The following LDLRAD3 variants were observed in gnomAD, a reference collection of about 807,000 sequenced individuals.
LDLRAD3 encodes low-density lipoprotein receptor class A domain-containing protein 3.
A neutral mutation model predicts 29.4 loss-of-function variants in LDLRAD3; 20 were observed. The observed-to-expected ratio is 0.68, with a 90% CI of 0.48 to 0.99. The LOEUF (loss-of-function observed/expected upper bound fraction) is 0.99. Among genes scored for constraint, LDLRAD3 ranks in the 50% least tolerant of loss-of-function variants. The pLI is 0.00. For missense variants in LDLRAD3, 420 were observed against 454.3 expected (o/e 0.92, Z 0.69); for synonymous variants, 157 against 192.7 (o/e 0.81, Z 1.53).
At chr11:35,988,633 G>C (rs554090857) in intron 1 of LDLRAD3, among the ~76,000 whole-genome samples, 3 of 151,104 alleles carry the variant, frequency 2.0e-5, no homozygotes, top group Non-Finnish European at 4.4e-5. Flanking sequence ...ACCCAGGCTG[G>C]AGTGCAGTGG....
intron 4 of LDLRAD3, among the ~76,000 whole-genome samples, chr11:36,201,457 TG>T (rs1855125659): frequency 6.6e-6 from 1 of 152,220 alleles, no homozygotes; most frequent in Non-Finnish European, 1.5e-5. Flanking sequence ...TGTGGGTTTT[TG>T]TGGGGTTTTT....
chr11:35,959,034 C>G lies in LDLRAD3; in HGVS notation c.46+14890C>G, dbSNP rs115598388. On this transcript the variant is annotated intron_variant, in intron 1 of 5. Coordinates refer to ENST00000315571, the MANE Select transcript of LDLRAD3 (RefSeq NM_174902.4). ...GCCTTGCCACACGGGTGAACTGATA[C>G]AAATCAAGATGGTGTCGGTACCATA... 1.0e-3 allele frequency among the ~76,000 whole-genome samples: 157 copies of G among 152,282 alleles called. 1 individual carries two copies. Among genetic ancestry groups the G allele is most frequent in the African/African-American group, 3.5e-3 (147 of 41,558 alleles).
intron 1 of LDLRAD3, among the ~76,000 whole-genome samples, chr11:36,029,295 GTGTA>G (rs1590214799): frequency 1.3e-5 from 2 of 152,244 alleles, no homozygotes; most frequent in East Asian, 3.9e-4. Flanking sequence ...CTTCTGCCAT[GTGTA>G]TGTGTTTCCG....
At chr11:36,073,034 C>T (rs892203106) in intron 2 of LDLRAD3, among the ~76,000 whole-genome samples, 5 of 152,144 alleles carry the variant, frequency 3.3e-5, no homozygotes, top group East Asian at 1.9e-4. Flanking sequence ...TCCTGTATTT[C>T]GGATGCTAAG....
rs571024448 is a variant in LDLRAD3 at position 35,961,750 on chromosome 11, A to T, written c.46+17606A>T. The stretch of plus-strand genomic sequence containing the variant: ...ACAATGAGAATATTAAAATTTTTTT[A>T]AAATTTAAAATTTTTGTGTGTACAG... On this transcript the variant is annotated intron_variant, in intron 1 of 5. Coordinates refer to ENST00000315571, the MANE Select transcript of LDLRAD3 (RefSeq NM_174902.4). Among the ~76,000 whole-genome samples, 5 of 152,324 alleles carry T rather than the reference A, an allele frequency of 3.3e-5. No individual in the cohort carries two copies. The East Asian group carries it at 7.7e-4, about 23-fold the overall frequency.
intron 4 of LDLRAD3, among the ~76,000 whole-genome samples, chr11:36,219,920 A>G (rs889665518): frequency 1.3e-5 from 2 of 152,272 alleles, no homozygotes; most frequent in African/African-American, 4.8e-5. Flanking sequence ...TTTGCAAAAC[A>G]CATTTGTGAT....
At chr11:36,131,162 C>T (rs1005884445) in intron 4 of LDLRAD3, among the ~76,000 whole-genome samples, 7 of 152,252 alleles carry the variant, frequency 4.6e-5, no homozygotes, top group Admixed American at 3.3e-4. Flanking sequence ...AGGCTCATGC[C>T]TTGAGAGGCT....
chr11:36,066,629 G>A (rs1852798612), intron 2 of LDLRAD3, among the ~76,000 whole-genome samples: 1 of 152,090 alleles, frequency 6.6e-6, no homozygotes, highest in African/African-American at 2.4e-5. Context: ...AAACTTGCTT[G>A]GTGGAAATTT....
chr11:35,948,258 A>G (rs1590673865), intron 1 of LDLRAD3, among the ~76,000 whole-genome samples: 1 of 152,282 alleles, frequency 6.6e-6, no homozygotes, highest in African/African-American at 2.4e-5. Flanking sequence ...GTTTTTAGCT[A>G]TGGGATTGCC....
At chr11:35,969,327 A>G (rs1479924597) in intron 1 of LDLRAD3, among the ~76,000 whole-genome samples, 1 of 152,198 alleles carries the variant, frequency 6.6e-6, no homozygotes, top group Non-Finnish European at 1.5e-5. Flanking sequence ...TTTTAATGGA[A>G]GCTCTGACTG....
intron 1 of LDLRAD3, among the ~76,000 whole-genome samples, chr11:35,989,832 A>G (rs1851665255): frequency 6.6e-6 from 1 of 152,140 alleles, no homozygotes; most frequent in Admixed American, 6.5e-5. Flanking sequence ...CTAGGTATAG[A>G]ATCATATTGT....
intron 1 of LDLRAD3, among the ~76,000 whole-genome samples, chr11:36,027,590 G>C (rs1257730830): frequency 6.6e-6 from 1 of 152,162 alleles, no homozygotes; most frequent in African/African-American, 2.4e-5. Flanking sequence ...GGGCCTATAT[G>C]AAGATCATTT....
chr11:36,117,781 C>T (rs773770942), intron 4 of LDLRAD3, among the ~76,000 whole-genome samples: 6 of 152,182 alleles, frequency 3.9e-5, no homozygotes, highest in Admixed American at 1.3e-4. Context: ...GTGGCTTCTC[C>T]GCTATGCCAA....
intron 4 of LDLRAD3, among the ~76,000 whole-genome samples, chr11:36,117,246 A>G (rs546856385): frequency 2.6e-5 from 4 of 152,352 alleles, no homozygotes; most frequent in Admixed American, 6.5e-5. Context: ...GATCCATTCT[A>G]GACAATCACA....
intron 4 of LDLRAD3, among the ~76,000 whole-genome samples, chr11:36,116,777 T>G (rs1053103211): frequency 6.6e-6 from 1 of 152,140 alleles, no homozygotes; most frequent in African/African-American, 2.4e-5. Flanking sequence ...TTAACCATAT[T>G]TTGATTATTT....
In LDLRAD3 at chr11:36,231,359, T is replaced by G. The variant is rs984666510; in HGVS notation, c.*1962T>G. The G allele has an allele frequency of 6.6e-6, 1 of 152,224 alleles. No homozygotes were observed. Among genetic ancestry groups the G allele is most frequent in the Non-Finnish European group, 1.5e-5 (1 of 68,038 alleles). The allele number at this position is 152,224 out of a possible 1,614,324, so 9.4% of individuals were successfully genotyped here. A position where few individuals can be genotyped will look rare whatever the true frequency, so the allele number is the denominator to read the frequency against. On this transcript the variant is annotated 3_prime_UTR_variant, in exon 6 of 6. Transcript: ENST00000315571. ...ACCTAGCTGCCTGTATCTTTCATTT[T>G]TAAAATAGCACTTGAGTTATTTTCT...
At chr11:36,121,817 G>C (rs1183000816) in intron 4 of LDLRAD3, among the ~76,000 whole-genome samples, 1 of 152,230 alleles carries the variant, frequency 6.6e-6, no homozygotes. Flanking sequence ...AGCAGGCAAG[G>C]CCGTGAGGCC....
intron 3 of LDLRAD3, among the ~76,000 whole-genome samples, chr11:36,087,026 C>T (rs1258146501): frequency 6.6e-6 from 1 of 152,104 alleles, no homozygotes; most frequent in Non-Finnish European, 1.5e-5. Context: ...CATTAGTTTA[C>T]TGGAAATTCA....
intron 4 of LDLRAD3, among the ~76,000 whole-genome samples, chr11:36,103,023 G>A (rs1853472860): frequency 2.0e-5 from 3 of 152,098 alleles, no homozygotes; most frequent in Non-Finnish European, 4.4e-5. Flanking sequence ...CCGTTTGTAA[G>A]TATACAGTTC....
Sources: allele counts gnomAD v4.1 joint callset (sites outside exome capture counted in the v4.1 genomes callset), GRCh38; gene constraint gnomAD v4.1.1; transcripts MANE v1.5; gene names NCBI Gene and HGNC (gene_info 2026-07-23, HGNC 2026-07-21).